Variants in MYLK observed in about 807,000 individuals in gnomAD.
The protein encoded by MYLK is myosin light chain kinase, also known as myosin light chain kinase, smooth muscle.
In MYLK, 106 loss-of-function variants were observed where a neutral mutation model predicts 203.4. That is an observed-to-expected ratio of 0.52 (90% CI 0.45 to 0.61). The LOEUF (loss-of-function observed/expected upper bound fraction) is 0.61, where lower values mean the gene tolerates loss of function less well. Among genes scored for constraint, MYLK ranks in the 20% least tolerant of loss-of-function variants. The pLI is 0.00. For missense variants in MYLK, 2,072 were observed against 2,442.3 expected (o/e 0.85, Z 3.20); for synonymous variants, 867 against 959.5 (o/e 0.90, Z 1.78).
At position 123,752,328 on chromosome 3, in the gene MYLK, C is replaced by T. The variant is rs1407914665; in HGVS notation, c.373+3G>A. On this transcript the variant is annotated splice_donor_region_variant and intron_variant, in intron 5 of 33. Transcript: ENST00000360304. The stretch of plus-strand genomic sequence containing the variant: ...TCCTGGACTCGGGCCTCCTGGGACT[C>T]ACCTTCTACTGTCAACTCCACTGTC... 3 of 1,613,782 alleles carry T rather than the reference C, an allele frequency of 1.9e-6. No homozygotes were observed. Among genetic ancestry groups the T allele is most frequent in the African/African-American group, 1.3e-5 (1 of 74,930 alleles).
At chr3:123,837,853 A>C (rs1218640809) in intron 2 of MYLK, among the ~76,000 whole-genome samples, 1 of 152,104 alleles carries the variant, frequency 6.6e-6, no homozygotes, top group African/African-American at 2.4e-5. Flanking sequence ...AGTCAACAGA[A>C]ATTATCCAAA....
At chr3:123,727,143 A>G (rs955791973) in intron 11 of MYLK, among the ~76,000 whole-genome samples, 9 of 152,210 alleles carry the variant, frequency 5.9e-5, no homozygotes, top group African/African-American at 1.9e-4. Context: ...GCTGAAGCCA[A>G]GTTTTACAGC....
At chr3:123,764,877 C>T (rs899053038) in intron 4 of MYLK, among the ~76,000 whole-genome samples, 11 of 152,188 alleles carry the variant, frequency 7.2e-5, no homozygotes, top group African/African-American at 1.2e-4. Flanking sequence ...ACAGGCATAG[C>T]GCGTCAGAAG....
At chr3:123,812,219 G>C (rs1288279350) in intron 3 of MYLK, among the ~76,000 whole-genome samples, 1 of 152,134 alleles carries the variant, frequency 6.6e-6, no homozygotes, top group African/African-American at 2.4e-5. Context: ...ATCCCGCTCT[G>C]CTTCTGGGCT....
intron 12 of MYLK, among the ~76,000 whole-genome samples, chr3:123,723,495 C>A (rs1222312645): frequency 6.6e-6 from 1 of 152,218 alleles, no homozygotes; most frequent in African/African-American, 2.4e-5. Flanking sequence ...CTTGACAATA[C>A]CAGTGTATTC....
chr3:123,664,035 C>G, intron 23 of MYLK, 70 bp downstream of exon 23: 1 of 1,602,376 alleles, frequency 6.2e-7, no homozygotes, highest in Non-Finnish European at 8.5e-7. Flanking sequence ...CTGAGGCCCA[C>G]GTATCTTGCC....
At chr3:123,735,283 A>G in intron 9 of MYLK, 115 bp downstream of exon 9, 1 of 1,377,294 alleles carries the variant, frequency 7.3e-7, no homozygotes, top group Non-Finnish European at 1.0e-6. Context: ...ACATCCTCCA[A>G]ATGGCCAATT....
chr3:123,706,903 T>G (rs1470745876), intron 16 of MYLK, among the ~76,000 whole-genome samples: 4 of 152,168 alleles, frequency 2.6e-5, no homozygotes, highest in Non-Finnish European at 5.9e-5. Context: ...GTGGTAGTTT[T>G]AAAATGTCTG....
intron 11 of MYLK, among the ~76,000 whole-genome samples, chr3:123,730,877 T>C (rs557243495): frequency 6.6e-6 from 1 of 152,302 alleles, no homozygotes; most frequent in Non-Finnish European, 1.5e-5. Context: ...AACCACTGAA[T>C]TGTGTACTTT....
At chr3:123,821,099 G>A (rs542915473) in intron 3 of MYLK, among the ~76,000 whole-genome samples, 4 of 151,932 alleles carry the variant, frequency 2.6e-5, no homozygotes, top group African/African-American at 9.7e-5. Flanking sequence ...CTACAAAATT[G>A]GTATATCTAA....
chr3:123,811,357 T>C (rs2065553993), intron 3 of MYLK, among the ~76,000 whole-genome samples: 1 of 152,176 alleles, frequency 6.6e-6, no homozygotes, highest in African/African-American at 2.4e-5. Flanking sequence ...CACTCATACC[T>C]GGCTCAGGGA....
intron 2 of MYLK, among the ~76,000 whole-genome samples, chr3:123,832,948 G>GGA (rs1028549226): frequency 2.0e-5 from 3 of 152,018 alleles, no homozygotes; most frequent in African/African-American, 7.3e-5. Context: ...AAATCACAAA[G>GGA]GAGAGAGAGA....
intron 3 of MYLK, chr3:123,814,354 A>G (rs2065668244): frequency 6.5e-6 from 1 of 154,474 alleles, no homozygotes; most frequent in Non-Finnish European, 1.4e-5. Flanking sequence ...AGCTGTCCTT[A>G]CTCCTTTGCT....
chr3:123,738,898 T>C lies in MYLK; in HGVS notation c.587A>G (p.Lys196Arg), dbSNP rs1045045755. 1 of 1,608,780 alleles carries C rather than the reference T, an allele frequency of 6.2e-7. No homozygotes were observed. Among genetic ancestry groups the C allele is most frequent in the Non-Finnish European group, 8.5e-7 (1 of 1,177,312 alleles). ...GGTCAGGGCAGACAGAAACCTCACC[T>C]TGAGCCAGGTGACCTGCGGTTGGGG... Reference protein sequence around the residue: ...GRPQPQVTWLKGNVPLQPSAR... With the variant: ...GRPQPQVTWLRGNVPLQPSAR... Residue 196 changes from lysine (K) to arginine (R), a missense_variant and splice_region_variant, in exon 7 of 34, where the codon AAG becomes AGG. Physicochemically the swap from Lys to Arg is conservative, Grantham distance 26 (BLOSUM62 2). Around this residue, in one of 3 missense-constraint regions of MYLK, gnomAD observed 683 missense variants for 643.8 expected, o/e 1.06. Transcript: ENST00000360304.
chr3:123,679,078 G>A (rs1389193884), intron 20 of MYLK, among the ~76,000 whole-genome samples: 1 of 152,144 alleles, frequency 6.6e-6, no homozygotes, highest in African/African-American at 2.4e-5. Context: ...GGAGGCTGAG[G>A]CGGGCGGATC....
At chr3:123,672,192 AC>A (rs2108380816) in intron 20 of MYLK, among the ~76,000 whole-genome samples, 1 of 138,020 alleles carries the variant, frequency 7.2e-6, no homozygotes, top group Admixed American at 8.0e-5. Context: ...AAGAAGAGAG[AC>A]AGGGGCAGGG....
At chr3:123,848,608 G>A (rs1229408073) in intron 2 of MYLK, among the ~76,000 whole-genome samples, 1 of 152,106 alleles carries the variant, frequency 6.6e-6, no homozygotes, top group East Asian at 1.9e-4. Flanking sequence ...TTATTACATA[G>A]GGCTTCCAAG....
At chr3:123,664,293 T>C (rs374810689) in intron 22 of MYLK, 35 bp from the exon 23 acceptor site, 5 of 1,613,902 alleles carry the variant, frequency 3.1e-6, no homozygotes, top group Admixed American at 1.7e-5. Flanking sequence ...GCTGGAGCCT[T>C]GGGCCCCTGG....
At chr3:123,825,034 A>C (rs1412553218) in intron 3 of MYLK, among the ~76,000 whole-genome samples, 1 of 151,968 alleles carries the variant, frequency 6.6e-6, no homozygotes, top group East Asian at 1.9e-4. Context: ...AGTCCCAGCT[A>C]CTTAGGAGGC....
Sources: allele counts gnomAD v4.1 joint callset (sites outside exome capture counted in the v4.1 genomes callset), GRCh38; gene constraint gnomAD v4.1.1; regional missense constraint gnomAD v4.1.1; transcripts MANE v1.5; gene names NCBI Gene and HGNC (gene_info 2026-07-23, HGNC 2026-07-21).